Variants in CADPS observed in about 807,000 individuals in gnomAD.
The protein encoded by CADPS is calcium dependent secretion activator.
Under a neutral mutation model 167.3 loss-of-function variants are expected in CADPS, and 57 were observed. That is an observed-to-expected ratio of 0.34 (90% CI 0.28 to 0.42). The LOEUF is 0.42. Among genes scored for constraint, CADPS ranks in the 20% least tolerant of loss-of-function variants. CADPS has a pLI of 1.00. For missense variants in CADPS, 1,414 were observed against 1,738.1 expected (o/e 0.81, Z 3.32); for synonymous variants, 676 against 635.3 (o/e 1.06, Z -0.96).
rs370858992 is a variant in CADPS, at chr3:62,489,071, G to A, written c.3026+2268C>T. Among the ~76,000 whole-genome samples, 5 of 151,960 alleles carry A rather than the reference G, an allele frequency of 3.3e-5. No homozygotes were observed. The East Asian group carries it at 9.7e-4, about 29-fold the overall frequency. Reference sequence around the variant, plus strand: ...AACATCCCTAGACTAAGATTTCCAGGTATGAAGATGATTTTTGAGTCTATC... The same window carrying A: ...AACATCCCTAGACTAAGATTTCCAGATATGAAGATGATTTTTGAGTCTATC... On this transcript the variant is annotated intron_variant, in intron 21 of 29. Coordinates refer to ENST00000383710, the MANE Select transcript of CADPS (RefSeq NM_003716.4).
At chr3:62,486,263 G>A (rs868334081) in intron 21 of CADPS, among the ~76,000 whole-genome samples, 3 of 151,980 alleles carry the variant, frequency 2.0e-5, no homozygotes, top group Non-Finnish European at 4.4e-5. Flanking sequence ...TGGCTAACAC[G>A]GTGAAACCCT....
chr3:62,656,033 T>C (rs2071474492), intron 4 of CADPS, among the ~76,000 whole-genome samples: 1 of 152,154 alleles, frequency 6.6e-6, no homozygotes, highest in Admixed American at 6.6e-5. Flanking sequence ...CTTACTAGCT[T>C]TGTAAGTTTG....
At chr3:62,498,340 G>T (rs62243491) in intron 18 of CADPS, among the ~76,000 whole-genome samples, 5,219 of 152,256 alleles carry the variant, frequency 0.034, 102 homozygotes, top group Non-Finnish European at 0.044. Flanking sequence ...TTTAGGAAAT[G>T]TCATTTTTCC....
At chr3:62,620,448 C>T (rs1310426043) in intron 6 of CADPS, among the ~76,000 whole-genome samples, 1 of 152,152 alleles carries the variant, frequency 6.6e-6, no homozygotes, top group Non-Finnish European at 1.5e-5. Context: ...AAAACAATAA[C>T]AATTATAATT....
chr3:62,499,393 T>A, intron 17 of CADPS, 125 bp from the exon 18 acceptor site: 1 of 653,958 alleles, frequency 1.5e-6, no homozygotes, highest in Non-Finnish European at 2.8e-6. Context: ...ATGCAAATGT[T>A]AAGTGCCATG....
chr3:62,626,606 G>A (rs1212424793), intron 6 of CADPS: 2 of 698,568 alleles, frequency 2.9e-6, no homozygotes, highest in East Asian at 2.7e-5. Flanking sequence ...AAGGAAGAAC[G>A]TCTTAAATTT....
rs2057098493 is a variant in CADPS, at chr3:62,445,719, A to C, written c.3669+46T>G. On this transcript the variant is annotated intron_variant, in intron 27 of 29. Transcript: ENST00000383710. ...AAAACAAAAAGTAAAAATGAAAAAA[A>C]AAAAAAACAAAAAAACCCCATGAGA... The C allele has an allele frequency of 1.7e-5, 24 of 1,377,238 alleles. 1 individual carries two copies. The highest frequency in any genetic ancestry group is 2.0e-4 in the Middle Eastern group (1 of 4,970). The allele number at this position is 1,377,238 out of a possible 1,614,324, so 85.3% of individuals were successfully genotyped here. A position where few individuals can be genotyped will look rare whatever the true frequency, so the allele number is the denominator to read the frequency against.
intron 1 of CADPS, among the ~76,000 whole-genome samples, chr3:62,816,089 A>G (rs553454341): frequency 6.6e-6 from 1 of 152,276 alleles, no homozygotes; most frequent in African/African-American, 2.4e-5. Flanking sequence ...CTTTAAATTA[A>G]CAGTTTCATG....
At chr3:62,845,811 T>G (rs746663240) in intron 1 of CADPS, among the ~76,000 whole-genome samples, 1 of 152,220 alleles carries the variant, frequency 6.6e-6, no homozygotes, top group Non-Finnish European at 1.5e-5. Context: ...TCTTCCCCAT[T>G]TGACATGTGG....
At position 62,779,641 on chromosome 3, in the gene CADPS, T is replaced by A. The variant is rs916809668; in HGVS notation, c.442-13657A>T. The A allele has an allele frequency of 1.3e-5, 7 of 531,362 alleles. No homozygotes were observed. In the African/African-American group the frequency reaches 1.3e-4, roughly 10 times the overall value. 32.9% of individuals were successfully genotyped at this position (531,362 alleles called of 1,614,324 possible). On this transcript the variant is annotated intron_variant, in intron 1 of 29. Coordinates refer to ENST00000383710, the MANE Select transcript of CADPS (RefSeq NM_003716.4). ...GTGAGCTGCATGCATTTTAAAGGCA[T>A]AGGCTGTCTCCTTACCTGAGTGCAA...
At chr3:62,414,862 ACT>A (rs1403011764) in intron 28 of CADPS, among the ~76,000 whole-genome samples, 1 of 152,140 alleles carries the variant, frequency 6.6e-6, no homozygotes, top group East Asian at 1.9e-4. Flanking sequence ...GGCCTTGTCT[ACT>A]GGGGGATTGT....
Position 62,753,651 on chromosome 3 carries a change from G to A in CADPS, c.678C>T (p.Asp226=), listed in dbSNP as rs374797455. 93 of 1,614,034 alleles carry A rather than the reference G, an allele frequency of 5.8e-5. No homozygotes were observed. The highest frequency in any genetic ancestry group is 7.1e-5 in the Non-Finnish European group (84 of 1,180,046). The change falls in exon 3 of 30, where the codon GAC becomes GAT. Residue 226 remains aspartate, a synonymous_variant. Transcript: ENST00000383710. This position sits in a 1 kb window ranked among gnomAD's most constrained non-coding sequence, Gnocchi z 4.6. ...EKRVRSLPEI[D]GLSKETVLSS... ...TCAGCACAGTCTCCTTGCTGAGGCC[G>A]TCAATCTCAGGCAGGCTGCGCACTC...
chr3:62,570,840 T>G, intron 9 of CADPS, 32 bp downstream of exon 9: 1 of 1,396,440 alleles, frequency 7.2e-7, no homozygotes, highest in Non-Finnish European at 1.0e-6. Context: ...TCTTTAATAC[T>G]GATGTCTCTT....
intron 1 of CADPS, among the ~76,000 whole-genome samples, chr3:62,846,660 T>C (rs1412380957): frequency 6.6e-6 from 1 of 152,148 alleles, no homozygotes; most frequent in African/African-American, 2.4e-5. Context: ...TTTTTTGGTA[T>C]TTTTTTGTTT....
intron 6 of CADPS, among the ~76,000 whole-genome samples, chr3:62,622,195 C>T (rs954672252): frequency 1.3e-5 from 2 of 152,112 alleles, no homozygotes; most frequent in African/African-American, 2.4e-5. Flanking sequence ...TGAGTGGGCC[C>T]TCCTGGTATC....
intron 28 of CADPS, among the ~76,000 whole-genome samples, chr3:62,411,143 G>A (rs1009037088): frequency 3.3e-5 from 5 of 152,182 alleles, no homozygotes; most frequent in African/African-American, 1.2e-4. Context: ...CCACCTTTTT[G>A]AGCAGCTTCT....
chr3:62,646,606 T>G (rs985008602), intron 5 of CADPS, among the ~76,000 whole-genome samples: 1 of 152,242 alleles, frequency 6.6e-6, no homozygotes, highest in Non-Finnish European at 1.5e-5. Context: ...CAAGTACTAT[T>G]CAGCATTAGA....
At chr3:62,710,926 T>C (rs1397874751) in intron 3 of CADPS, among the ~76,000 whole-genome samples, 3 of 152,216 alleles carry the variant, frequency 2.0e-5, no homozygotes, top group Non-Finnish European at 2.9e-5. Context: ...ACTTCCTCTG[T>C]GCCTATTCCT....
rs773811998 is a variant in CADPS at position 62,874,919 on chromosome 3, A to G, written c.111T>C (p.Arg37=). 4.9e-4 allele frequency: 705 copies of G among 1,452,860 alleles called. 2 individuals carry two copies. The highest frequency in any genetic ancestry group is 6.0e-4 in the Non-Finnish European group (657 of 1,098,346). The allele number at this position is 1,452,860 out of a possible 1,614,324, so 90.0% of individuals were successfully genotyped here. A position where few individuals can be genotyped will look rare whatever the true frequency, so the allele number is the denominator to read the frequency against. The change falls in exon 1 of 30, where the codon CGT becomes CGC. Residue 37 remains arginine (R), a synonymous_variant. Transcript: ENST00000383710. The surrounding 1 kb of genome is among the most constrained non-coding windows in gnomAD (Gnocchi z 7.1). ...APSGARLSPS[R]TSEGSAGSAG... Reference sequence around the variant, plus strand: ...CGCTGCCGGCCGAGCCCTCGCTGGTACGGCTGGGAGACAGGCGCGCGCCGG... The same window carrying G: ...CGCTGCCGGCCGAGCCCTCGCTGGTGCGGCTGGGAGACAGGCGCGCGCCGG...
Sources: gnomAD v4.1 joint callset for allele counts (sites outside exome capture counted in the v4.1 genomes callset) on GRCh38, gnomAD v4.1.1 for gene constraint, Gnocchi (gnomAD v3.1) non-coding constraint, MANE v1.5 for transcripts, NCBI Gene and HGNC (gene_info 2026-07-23, HGNC 2026-07-21) for gene names.